XKR4: variants seen among roughly 807,000 people sequenced by gnomAD.
XKR4 encodes XK-related protein 4.
XKR4 carries 12 observed loss-of-function variants against 53.9 expected under a neutral mutation model. The observed-to-expected ratio is 0.22, with a 90% confidence interval of 0.14 to 0.36. The LOEUF (loss-of-function observed/expected upper bound fraction) is 0.36, where lower values mean the gene tolerates loss of function less well. XKR4 is among the 10% of genes least tolerant of loss of function. XKR4 has a pLI of 1.00. For synonymous variants in XKR4, 354 were observed against 362.4 expected, an observed-to-expected ratio of 0.98 and a Z score of 0.26; for missense variants, 799 against 859.5, an observed-to-expected ratio of 0.93 and a Z score of 0.88.
At chr8:55,451,886 C>G in intron 2 of XKR4, 1 of 847,226 alleles carries the variant, frequency 1.2e-6, no homozygotes, top group Non-Finnish European at 2.0e-6. Flanking sequence ...GTGCTGGGCT[C>G]CAGCTCTTCC....
chr8:55,256,084 G>C lies in XKR4; in HGVS notation c.807-101594G>C, dbSNP rs1238275335. Among the ~76,000 whole-genome samples the C allele has an allele frequency of 4.0e-5, 6 of 151,812 alleles. No individual in the cohort carries two copies. The East Asian group carries it at 7.7e-4, about 20-fold the overall frequency. ...CAGAGTTAAAAGGATTAATAGCTCA[G>C]GGGAGCTGAAGGATGAGCTGAGGCT... On this transcript the variant is annotated intron_variant, in intron 1 of 2. Coordinates refer to ENST00000327381, the MANE Select transcript of XKR4 (RefSeq NM_052898.2).
At chr8:55,126,728 G>A (rs1816473260) in intron 1 of XKR4, among the ~76,000 whole-genome samples, 1 of 152,046 alleles carries the variant, frequency 6.6e-6, no homozygotes, top group South Asian at 2.1e-4. Flanking sequence ...ATTTGCTTTG[G>A]GGTCTCCCTA....
At position 55,269,273 on chromosome 8, in the gene XKR4, CT is replaced by C. The variant is rs573990430; in HGVS notation, c.807-88395del. ...TTGTGGTCTCTCTTTCTCACTCTCT[CT>C]TTTTTTTTTGTTCTAAGCTGTGTTT... is the stretch of plus-strand genomic sequence containing the variant. On this transcript the variant is annotated intron_variant, in intron 1 of 2. Transcript: ENST00000327381. 4.1e-3 allele frequency among the ~76,000 whole-genome samples: 607 copies of C among 147,194 alleles called. 5 individuals carry two copies. The highest frequency in any genetic ancestry group is 0.013 in the African/African-American group (510 of 40,382).
chr8:55,165,096 A>G (rs940493697), intron 1 of XKR4, among the ~76,000 whole-genome samples: 1 of 152,220 alleles, frequency 6.6e-6, no homozygotes, highest in African/African-American at 2.4e-5. Flanking sequence ...ACATGGGACA[A>G]TGAAAATTCA....
At chr8:55,466,100 C>G (rs1805764175) in intron 2 of XKR4, among the ~76,000 whole-genome samples, 3 of 152,038 alleles carry the variant, frequency 2.0e-5, no homozygotes, top group African/African-American at 2.4e-5. Context: ...GGATCTAGAA[C>G]TAGAAATACC....
intron 2 of XKR4, among the ~76,000 whole-genome samples, chr8:55,499,737 C>T (rs1323670208): frequency 6.6e-6 from 1 of 152,170 alleles, no homozygotes; most frequent in African/African-American, 2.4e-5. Context: ...CTAATTTGGT[C>T]TTTATTTTTA....
chr8:55,244,114 A>T (rs896912103), intron 1 of XKR4, among the ~76,000 whole-genome samples: 1 of 152,206 alleles, frequency 6.6e-6, no homozygotes, highest in African/African-American at 2.4e-5. Context: ...GGTATGTTAT[A>T]CAGGTAAATT....
rs1011985126 is a variant in XKR4, at chr8:55,180,823, G to A, written c.806+77529G>A. Among the ~76,000 whole-genome samples, 8 of 152,070 alleles carry A rather than the reference G, an allele frequency of 5.3e-5. No homozygotes were observed. The South Asian group carries it at 6.2e-4, about 12-fold the overall frequency. On this transcript the variant is annotated intron_variant, in intron 1 of 2. Transcript: ENST00000327381. ...GCTGGGATTACAGGTATAAGCCACC[G>A]CACCTGGCCCCAAAATAGGTATTTT...
At position 55,103,031 on chromosome 8, in the gene XKR4, T is replaced by C. The variant is rs572566294; in HGVS notation, c.543T>C (p.Ala181=). ...CCGAGGACAGCGCCACGGCCGCTGCTGCCTCCAGCTGCCCGCAGCCTGGAG... is the reference window on the plus strand; with the variant it reads ...CCGAGGACAGCGCCACGGCCGCTGCCGCCTCCAGCTGCCCGCAGCCTGGAG... ...FSTEDSATAA[A]ASSCPQPGAD... is the part of the protein sequence containing the mutation. Residue 181 remains alanine, a synonymous_variant, in exon 1 of 3, where the codon GCT becomes GCC. Transcript: ENST00000327381. 1 of 1,612,570 alleles carries C rather than the reference T, an allele frequency of 6.2e-7. No individual in the cohort carries two copies. Among genetic ancestry groups the C allele is most frequent in the Admixed American group, 1.7e-5 (1 of 59,994 alleles).
chr8:55,263,068 C>T (rs1171331042), intron 1 of XKR4, among the ~76,000 whole-genome samples: 1 of 152,212 alleles, frequency 6.6e-6, no homozygotes, highest in East Asian at 1.9e-4. Flanking sequence ...GCTCTTTCTG[C>T]CTCAGTTCAG....
intron 2 of XKR4, chr8:55,450,252 A>G (rs1198940653): frequency 3.1e-6 from 2 of 655,308 alleles, no homozygotes; most frequent in Non-Finnish European, 2.7e-6. Flanking sequence ...GTTCTTCCTC[A>G]GGGGCTCAGG....
At chr8:55,360,627 A>T (rs753614370) in intron 2 of XKR4, among the ~76,000 whole-genome samples, 3 of 152,230 alleles carry the variant, frequency 2.0e-5, no homozygotes, top group South Asian at 4.1e-4. Flanking sequence ...CTTATTTAGC[A>T]GGGAGAGAAT....
chr8:55,412,218 A>G (rs970765395), intron 2 of XKR4, among the ~76,000 whole-genome samples: 3 of 151,996 alleles, frequency 2.0e-5, no homozygotes, highest in East Asian at 1.9e-4. Flanking sequence ...CCCAAAACCA[A>G]CCGTTTACCA....
At chr8:55,450,158 T>C (rs1189178406) in intron 2 of XKR4, 4 of 674,744 alleles carry the variant, frequency 5.9e-6, no homozygotes, top group Non-Finnish European at 8.2e-6. Flanking sequence ...AGGCGTGAGA[T>C]GGCGTCAGGC....
intron 2 of XKR4, among the ~76,000 whole-genome samples, chr8:55,483,309 T>C (rs540418122): frequency 6.6e-6 from 1 of 152,296 alleles, no homozygotes; most frequent in African/African-American, 2.4e-5. Flanking sequence ...CTAAGGTAGC[T>C]TTGCAACTGT....
intron 1 of XKR4, among the ~76,000 whole-genome samples, chr8:55,279,964 T>C (rs959492721): frequency 2.0e-5 from 3 of 152,328 alleles, no homozygotes; most frequent in African/African-American, 7.2e-5. Flanking sequence ...CAAAGCTTTC[T>C]ACATTGTTCT....
chr8:55,431,725 A>AT (rs1326104947), intron 2 of XKR4, among the ~76,000 whole-genome samples: 2 of 152,182 alleles, frequency 1.3e-5, no homozygotes, highest in African/African-American at 4.8e-5. Flanking sequence ...GCATAAATAC[A>AT]TTTTATGTAT....
intron 2 of XKR4, among the ~76,000 whole-genome samples, chr8:55,398,727 A>T (rs535313365): frequency 6.6e-6 from 1 of 152,346 alleles, no homozygotes; most frequent in Non-Finnish European, 1.5e-5. Flanking sequence ...GAAACCAGAC[A>T]GGGTTGTGAG....
At chr8:55,519,175 G>A (rs570022066) in intron 2 of XKR4, among the ~76,000 whole-genome samples, 1 of 152,294 alleles carries the variant, frequency 6.6e-6, no homozygotes, top group South Asian at 2.1e-4. Flanking sequence ...CACTAGGTAA[G>A]CTCTAAGGTC....
Sources: gnomAD v4.1 joint callset for allele counts (sites outside exome capture counted in the v4.1 genomes callset) on GRCh38, gnomAD v4.1.1 for gene constraint, MANE v1.5 for transcripts, NCBI Gene and HGNC (gene_info 2026-07-23, HGNC 2026-07-21) for gene names.